HDGFL2: variants seen among roughly 807,000 people sequenced by gnomAD.
HDGFL2 encodes the protein hepatoma-derived growth factor-related protein 2.
HDGFL2 carries 36 observed loss-of-function variants against 77.1 expected under a neutral mutation model. That is an observed-to-expected ratio of 0.47 (90% CI 0.36 to 0.62). The LOEUF (loss-of-function observed/expected upper bound fraction) is 0.62, where lower values mean the gene tolerates loss of function less well. Ranked by LOEUF, HDGFL2 falls within the 20% of genes least tolerant of loss-of-function variation. HDGFL2 has a pLI of 0.00. For synonymous variants in HDGFL2, 463 were observed against 413.1 expected (o/e 1.12, Z -1.46); for missense variants, 976 against 973.4 (o/e 1.00, Z -0.04).
chr19:4,488,935 C>T lies in HDGFL2; in HGVS notation c.489+59C>T, dbSNP rs1975435065. On this transcript the variant is annotated intron_variant, in intron 4 of 15. Coordinates refer to ENST00000616600, the MANE Select transcript of HDGFL2 (RefSeq NM_001001520.3). ...CCCCTTGCCCTGATGTCTCGCCTGG[C>T]AGCTTGCTCTCCTGCCCTTTTTTTT... The T allele has an allele frequency of 2.7e-5, 34 of 1,245,384 alleles. 1 individual carries two copies. The South Asian group carries it at 4.4e-4, about 16-fold the overall frequency. The allele number at this position is 1,245,384 out of a possible 1,614,324, so 77.1% of individuals were successfully genotyped here. A position where few individuals can be genotyped will look rare whatever the true frequency, so the allele number is the denominator to read the frequency against.
chr19:4,502,169 C>G lies in HDGFL2; in HGVS notation c.*159C>G. 2 of 689,420 alleles carry G rather than the reference C, an allele frequency of 2.9e-6. No homozygotes were observed. The highest frequency in any genetic ancestry group is 5.4e-5 in the East Asian group (2 of 37,130). The allele number at this position is 689,420 out of a possible 1,614,324, so 42.7% of individuals were successfully genotyped here. ...CTGCCTAATTTCTGTGATTTCCAAC[C>G]AACATGAAATGACTATAAATGGTTT... On this transcript the variant is annotated 3_prime_UTR_variant, in exon 16 of 16. Transcript: ENST00000616600.
At chr19:4,498,401 C>T in intron 12 of HDGFL2, 25 bp downstream of exon 12, 1 of 1,580,318 alleles carries the variant, frequency 6.3e-7, no homozygotes, top group Non-Finnish European at 8.7e-7. Flanking sequence ...GCCTGTGAGC[C>T]AAGCAGTCCC....
Position 4,489,904 on chromosome 19 carries a change from C to T in HDGFL2, c.489+1028C>T, listed in dbSNP as rs1287625979. Among the ~76,000 whole-genome samples, 4 of 152,130 alleles carry T rather than the reference C, an allele frequency of 2.6e-5. No homozygotes were observed. In the East Asian group the frequency reaches 5.8e-4, roughly 22 times the overall value. On this transcript the variant is annotated intron_variant, in intron 4 of 15. Transcript: ENST00000616600. Reference sequence around the variant, plus strand: ...ACCTGGTCCCCATCAGCTGATCCTCCGCATCCCCTCCTCTGGCCCCTGGCA... The same window carrying T: ...ACCTGGTCCCCATCAGCTGATCCTCTGCATCCCCTCCTCTGGCCCCTGGCA...
rs74851835 is a variant in HDGFL2 at position 4,473,251 on chromosome 19, G to A, written c.72+829G>A. 1.4e-3 allele frequency among the ~76,000 whole-genome samples: 215 copies of A among 149,742 alleles called. 6 individuals carry two copies. In the East Asian group the frequency reaches 0.036, roughly 25 times the overall value. On this transcript the variant is annotated intron_variant, in intron 1 of 15. Coordinates refer to ENST00000616600, the MANE Select transcript of HDGFL2 (RefSeq NM_001001520.3). ...GCCTGAAGGAGCTGCGGCGCCAATG[G>A]TCTGGGGGTCCTGGGCCTGAGGAAG...
chr19:4,498,602 C>CT (rs1026788999), intron 12 of HDGFL2, among the ~76,000 whole-genome samples: 1 of 152,032 alleles, frequency 6.6e-6, no homozygotes, highest in Non-Finnish European at 1.5e-5. Context: ...TGTGTGGAGG[C>CT]CCCCAGGACC....
At chr19:4,476,334 A>G (rs1184090807) in intron 3 of HDGFL2, among the ~76,000 whole-genome samples, 2 of 151,126 alleles carry the variant, frequency 1.3e-5, no homozygotes, top group Non-Finnish European at 2.9e-5. Context: ...CTGGGATTAC[A>G]GGTGCCCACC....
intron 14 of HDGFL2, among the ~76,000 whole-genome samples, chr19:4,499,949 G>C (rs1975813867): frequency 1.3e-5 from 2 of 152,198 alleles, no homozygotes; most frequent in African/African-American, 4.8e-5. Context: ...CACGCCAGAG[G>C]GGTGACGGGG....
At chr19:4,486,622 G>A (rs530635015) in intron 3 of HDGFL2, among the ~76,000 whole-genome samples, 31 of 151,664 alleles carry the variant, frequency 2.0e-4, no homozygotes, top group Non-Finnish European at 3.8e-4. Flanking sequence ...GGTGGATCAC[G>A]AGGTCAAGAG....
At chr19:4,485,232 A>T (rs1975330385) in intron 3 of HDGFL2, among the ~76,000 whole-genome samples, 1 of 152,164 alleles carries the variant, frequency 6.6e-6, no homozygotes, top group African/African-American at 2.4e-5. Context: ...CCTGTCCTGG[A>T]CATTTCATAG....
At chr19:4,472,868 G>T (rs1166387061) in intron 1 of HDGFL2, among the ~76,000 whole-genome samples, 1 of 147,514 alleles carries the variant, frequency 6.8e-6, no homozygotes, top group Non-Finnish European at 1.5e-5. Context: ...TTCTGGGGGT[G>T]TCCAAGCCCT....
chr19:4,472,487 G>GC lies in HDGFL2; in HGVS notation c.72+65_72+66insC, dbSNP rs1555684403. 133 of 871,668 alleles carry GC rather than the reference G, an allele frequency of 1.5e-4. 3 individuals carry two copies. In the African/African-American group the frequency reaches 2.8e-3, roughly 19 times the overall value. 54.0% of individuals were successfully genotyped at this position (871,668 alleles called of 1,614,324 possible). A position where few individuals can be genotyped will look rare whatever the true frequency, so the allele number is the denominator to read the frequency against. ...GGGGGGCAGCGGGGGCCCCGGGCCG[G>GC]AGGCGGGCACTGGAGGGCCGGGGTT... On this transcript the variant is annotated intron_variant, in intron 1 of 15. Transcript: ENST00000616600.
chr19:4,478,327 C>G (rs545511676), intron 3 of HDGFL2, among the ~76,000 whole-genome samples: 12 of 151,244 alleles, frequency 7.9e-5, no homozygotes, highest in African/African-American at 2.2e-4. Context: ...CTCAGCCTCC[C>G]GAGTAGCTGG....
chr19:4,473,345 G>A (rs1038331014), intron 1 of HDGFL2, among the ~76,000 whole-genome samples: 1 of 151,286 alleles, frequency 6.6e-6, no homozygotes, highest in Non-Finnish European at 1.5e-5. Context: ...GGTTGCCCTG[G>A]CCCAGAGGGA....
intron 10 of HDGFL2, 56 bp from the exon 11 acceptor site, chr19:4,497,902 C>T: frequency 6.8e-7 from 1 of 1,471,966 alleles, no homozygotes; most frequent in Admixed American, 2.0e-5. Context: ...GGCGCCAGCC[C>T]CTCAGTGGCA....
intron 10 of HDGFL2, chr19:4,497,676 A>G: frequency 2.0e-6 from 1 of 491,338 alleles, no homozygotes; most frequent in South Asian, 2.4e-5. Context: ...TCTGGTAGAC[A>G]AAGCCAGCCC....
chr19:4,481,378 G>C (rs1043646362), intron 3 of HDGFL2, among the ~76,000 whole-genome samples: 4 of 152,100 alleles, frequency 2.6e-5, no homozygotes, highest in African/African-American at 9.7e-5. Flanking sequence ...TTTTAGTAGA[G>C]ACGGGGTTTC....
intron 6 of HDGFL2, among the ~76,000 whole-genome samples, chr19:4,492,448 GTATA>G (rs1975541187): frequency 6.6e-6 from 1 of 151,004 alleles, no homozygotes; most frequent in African/African-American, 2.5e-5. Flanking sequence ...TCCTATGTGA[GTATA>G]TGTGGTGCCT....
At chr19:4,485,226 T>C (rs1975330169) in intron 3 of HDGFL2, among the ~76,000 whole-genome samples, 1 of 152,178 alleles carries the variant, frequency 6.6e-6, no homozygotes, top group African/African-American at 2.4e-5. Context: ...GATGGGCCTG[T>C]CCTGGACATT....
intron 3 of HDGFL2, among the ~76,000 whole-genome samples, chr19:4,483,078 A>G (rs1256896530): frequency 1.3e-5 from 2 of 152,162 alleles, no homozygotes; most frequent in African/African-American, 4.8e-5. Context: ...CGTGATCGAG[A>G]TTGGCCGCGA....
Sources: allele counts gnomAD v4.1 joint callset (sites outside exome capture counted in the v4.1 genomes callset), GRCh38; gene constraint gnomAD v4.1.1; transcripts MANE v1.5; gene names NCBI Gene and HGNC (gene_info 2026-07-23, HGNC 2026-07-21).